PXDNL: variants seen among roughly 807,000 people sequenced by gnomAD.
PXDNL encodes probable oxidoreductase PXDNL.
A neutral mutation model predicts 150.8 loss-of-function variants in PXDNL; 145 were observed. That is an observed-to-expected ratio of 0.96 (90% CI 0.84 to 1.10). The LOEUF (loss-of-function observed/expected upper bound fraction) is 1.10, where lower values mean the gene tolerates loss of function less well. PXDNL is among the 50% of genes least tolerant of loss of function. The pLI is 0.00. For synonymous variants in PXDNL, 757 were observed against 725.7 expected, an observed-to-expected ratio of 1.04 and a Z score of -0.69; for missense variants, 2,087 against 1,873.9, an observed-to-expected ratio of 1.11 and a Z score of -2.10.
intron 3 of PXDNL, among the ~76,000 whole-genome samples, chr8:51,577,918 G>GAAAGA (rs1477064400): frequency 1.1e-5 from 1 of 91,164 alleles, no homozygotes; most frequent in Non-Finnish European, 2.1e-5. Context: ...AGAAAGAAAA[G>GAAAGA]AAAGAAAAGA....
In PXDNL at chr8:51,320,796, G is replaced by A. The variant is rs370461650; in HGVS notation, c.4248C>T (p.His1416=). Residue 1416 remains histidine, a synonymous_variant, in exon 22 of 23, where the codon CAC becomes CAT. Transcript: ENST00000356297. ...TCGCAGCACAAACCTCACAAATGCA[G>A]TGAGTGCAGTCTTCTTTCATCCAGC... The part of the protein sequence containing the change: ...EERWMKEDCT[H]CICESGQVTC... The A allele has an allele frequency of 1.2e-4, 191 of 1,612,770 alleles. 2 individuals carry two copies. The South Asian group carries it at 1.7e-3, about 14-fold the overall frequency.
chr8:51,475,168 T>C (rs765552611), intron 6 of PXDNL, 27 bp from the exon 7 acceptor site: 47 of 1,587,680 alleles, frequency 3.0e-5, no homozygotes, highest in Non-Finnish European at 4.0e-5. Context: ...GAAGTACAAC[T>C]GTTAAAAGGG....
intron 1 of PXDNL, among the ~76,000 whole-genome samples, chr8:51,786,562 A>G (rs937251802): frequency 6.6e-6 from 1 of 151,504 alleles, no homozygotes; most frequent in Non-Finnish European, 1.5e-5. Flanking sequence ...CACCTCTTCA[A>G]TGTGGTGCTG....
At chr8:51,486,784 ATATATATATATTTTTTTTTTTT>A (rs1212246711) in intron 5 of PXDNL, among the ~76,000 whole-genome samples, 24 of 22,840 alleles carry the variant, frequency 1.1e-3, no homozygotes, top group Middle Eastern at 0.033. Context: ...ATATATATAT[ATATATATATATTTTTTTTTTTT>A]TTTTTTTTTT....
intron 1 of PXDNL, among the ~76,000 whole-genome samples, chr8:51,657,416 G>A (rs1815173627): frequency 1.3e-5 from 2 of 152,088 alleles, no homozygotes. Context: ...TATTTTCTAT[G>A]TTGTTCCTTG....
chr8:51,740,887 T>A (rs1304699100), intron 1 of PXDNL, among the ~76,000 whole-genome samples: 1 of 152,220 alleles, frequency 6.6e-6, no homozygotes, highest in African/African-American at 2.4e-5. Flanking sequence ...GATTTTCACA[T>A]CAATGTTCAT....
intron 1 of PXDNL, among the ~76,000 whole-genome samples, chr8:51,674,886 T>G (rs1815576924): frequency 6.6e-6 from 1 of 152,222 alleles, no homozygotes; most frequent in African/African-American, 2.4e-5. Context: ...AGTGTTTAGT[T>G]AACACTCTGC....
intron 3 of PXDNL, among the ~76,000 whole-genome samples, chr8:51,586,573 C>T (rs377225071): frequency 1.3e-5 from 2 of 152,270 alleles, no homozygotes; most frequent in South Asian, 2.1e-4. Context: ...TTGTGTCCTT[C>T]AAGCTTACAC....
intron 10 of PXDNL, among the ~76,000 whole-genome samples, chr8:51,452,171 G>C (rs937700964): frequency 6.6e-6 from 1 of 152,188 alleles, no homozygotes; most frequent in Non-Finnish European, 1.5e-5. Flanking sequence ...GTGATCAGGC[G>C]TTAGGTTTCT....
chr8:51,486,426 C>A (rs1810736560), intron 5 of PXDNL, among the ~76,000 whole-genome samples: 1 of 151,890 alleles, frequency 6.6e-6, no homozygotes, highest in Non-Finnish European at 1.5e-5. Context: ...AACTTGCTTT[C>A]AAGCAGATTA....
intron 1 of PXDNL, among the ~76,000 whole-genome samples, chr8:51,724,070 G>C (rs943894160): frequency 6.6e-6 from 1 of 150,380 alleles, no homozygotes; most frequent in Non-Finnish European, 1.5e-5. Flanking sequence ...GGCTATCGCC[G>C]GACCAGGGGT....
intron 1 of PXDNL, among the ~76,000 whole-genome samples, chr8:51,772,393 T>A (rs2037308540): frequency 6.6e-6 from 1 of 152,076 alleles, no homozygotes; most frequent in African/African-American, 2.4e-5. Context: ...ATCCAATTTA[T>A]TTTTTCAGAA....
At chr8:51,530,252 G>A (rs192537722) in intron 4 of PXDNL, among the ~76,000 whole-genome samples, 7 of 151,836 alleles carry the variant, frequency 4.6e-5, no homozygotes, top group African/African-American at 1.5e-4. Context: ...TATACCTAGC[G>A]GCAAAAAGGG....
At chr8:51,714,108 G>T (rs1485756326) in intron 1 of PXDNL, among the ~76,000 whole-genome samples, 1 of 152,118 alleles carries the variant, frequency 6.6e-6, no homozygotes, top group South Asian at 2.1e-4. Context: ...TCTAAGATTA[G>T]AATATTGTAA....
chr8:51,619,204 T>C (rs1814188072), intron 2 of PXDNL, among the ~76,000 whole-genome samples: 1 of 152,156 alleles, frequency 6.6e-6, no homozygotes, highest in African/African-American at 2.4e-5. Flanking sequence ...AAGGTGGATG[T>C]AGAAACCAGA....
intron 21 of PXDNL, among the ~76,000 whole-genome samples, chr8:51,329,620 T>A (rs1805620354): frequency 6.6e-6 from 1 of 152,138 alleles, no homozygotes; most frequent in Admixed American, 6.5e-5. Flanking sequence ...ATTAATACAT[T>A]CATGACCCTA....
intron 17 of PXDNL, among the ~76,000 whole-genome samples, chr8:51,378,084 A>G (rs1443663751): frequency 2.0e-5 from 3 of 151,648 alleles, no homozygotes; most frequent in African/African-American, 7.3e-5. Flanking sequence ...AAATGCACTA[A>G]TCAGCACTCT....
At chr8:51,673,313 A>C (rs981456879) in intron 1 of PXDNL, among the ~76,000 whole-genome samples, 6 of 152,212 alleles carry the variant, frequency 3.9e-5, no homozygotes, top group African/African-American at 1.2e-4. Context: ...ATAAGAAAAG[A>C]TACTAAATGA....
At chr8:51,731,512 C>T (rs1040707022) in intron 1 of PXDNL, among the ~76,000 whole-genome samples, 8 of 152,222 alleles carry the variant, frequency 5.3e-5, no homozygotes, top group Admixed American at 5.2e-4. Context: ...GCAAGCTATC[C>T]GTGGAACTAC....
Sources: allele counts gnomAD v4.1 joint callset (sites outside exome capture counted in the v4.1 genomes callset), GRCh38; gene constraint gnomAD v4.1.1; transcripts MANE v1.5; gene names NCBI Gene and HGNC (gene_info 2026-07-23, HGNC 2026-07-21).